Variants in SOX5 observed in about 807,000 individuals in gnomAD.
The protein encoded by SOX5 is SRY-box transcription factor 5, also known as transcription factor SOX-5.
In SOX5, 9 loss-of-function variants were observed where a neutral mutation model predicts 92.0. That is an observed-to-expected ratio of 0.10 (90% CI 0.06 to 0.17). The LOEUF (loss-of-function observed/expected upper bound fraction) is 0.17. SOX5 is among the 10% of genes least tolerant of loss of function. The pLI, the probability that SOX5 is intolerant of heterozygous loss-of-function variation, is 1.00. For missense variants in SOX5, 642 were observed against 944.5 expected, an observed-to-expected ratio of 0.68 and a Z score of 4.20; for synonymous variants, 344 against 336.3, an observed-to-expected ratio of 1.02 and a Z score of -0.25.
At chr12:24,246,064 T>G (rs886677012) in intron 3 of SOX5, among the ~76,000 whole-genome samples, 1 of 152,166 alleles carries the variant, frequency 6.6e-6, no homozygotes, top group African/African-American at 2.4e-5. Context: ...ATGGACAAAG[T>G]TCAGTCTTTG....
At chr12:23,600,616 A>C (rs1239731143) in intron 9 of SOX5, among the ~76,000 whole-genome samples, 1 of 148,472 alleles carries the variant, frequency 6.7e-6, no homozygotes, top group African/African-American at 2.5e-5. Flanking sequence ...AACTCATGAC[A>C]ATATGTCAGG....
intron 7 of SOX5, among the ~76,000 whole-genome samples, chr12:23,662,164 T>A (rs1198877275): frequency 6.6e-6 from 1 of 151,410 alleles, no homozygotes; most frequent in Non-Finnish European, 1.5e-5. Context: ...TATACATATA[T>A]ATATATAGAG....
intron 1 of SOX5, among the ~76,000 whole-genome samples, chr12:24,506,418 A>AAG (rs559214768): frequency 2.7e-4 from 40 of 146,842 alleles, no homozygotes; most frequent in East Asian, 2.2e-3. Context: ...AAAAAAAAAA[A>AAG]AGAGAGAGAG....
At chr12:24,312,799 C>T (rs1261028868) in intron 2 of SOX5, among the ~76,000 whole-genome samples, 2 of 152,144 alleles carry the variant, frequency 1.3e-5, no homozygotes, top group Non-Finnish European at 2.9e-5. Context: ...GAAGCAACTC[C>T]GTGACTTACA....
At chr12:23,671,446 G>A (rs2084764652) in intron 6 of SOX5, among the ~76,000 whole-genome samples, 1 of 152,154 alleles carries the variant, frequency 6.6e-6, no homozygotes, top group South Asian at 2.1e-4. Flanking sequence ...ATACACAGCA[G>A]TTTCTGAGCA....
intron 4 of SOX5, among the ~76,000 whole-genome samples, chr12:24,188,671 A>C (rs150461213): frequency 6.6e-6 from 1 of 152,308 alleles, no homozygotes; most frequent in East Asian, 1.9e-4. Flanking sequence ...GAAAAGGCCA[A>C]AGCACAGAGT....
chr12:24,175,204 T>C (rs1436037200), intron 4 of SOX5, among the ~76,000 whole-genome samples: 1 of 152,260 alleles, frequency 6.6e-6, no homozygotes, highest in African/African-American at 2.4e-5. Flanking sequence ...TGTTATTCAG[T>C]CCTCTAACAT....
intron 1 of SOX5, among the ~76,000 whole-genome samples, chr12:24,482,073 T>C (rs930319796): frequency 6.6e-6 from 1 of 152,186 alleles, no homozygotes; most frequent in African/African-American, 2.4e-5. Flanking sequence ...TTTCAGCCAG[T>C]AGAGGGAAAT....
intron 2 of SOX5, among the ~76,000 whole-genome samples, chr12:24,293,227 T>C (rs1469372301): frequency 1.3e-5 from 2 of 152,218 alleles, no homozygotes; most frequent in Non-Finnish European, 2.9e-5. Context: ...GGAATACAAA[T>C]AGTGATAATA....
At chr12:24,263,128 A>G (rs772819045) in intron 3 of SOX5, among the ~76,000 whole-genome samples, 24 of 152,144 alleles carry the variant, frequency 1.6e-4, no homozygotes, top group Non-Finnish European at 2.4e-4. Context: ...CAAGAGGCTG[A>G]GACAGGAGAA....
intron 6 of SOX5, among the ~76,000 whole-genome samples, chr12:23,690,870 A>G (rs1164189677): frequency 6.6e-6 from 1 of 152,112 alleles, no homozygotes; most frequent in Non-Finnish European, 1.5e-5. Context: ...CACTCCACTT[A>G]TCTTTTAACA....
intron 1 of SOX5, among the ~76,000 whole-genome samples, chr12:24,381,454 T>C (rs903243828): frequency 6.6e-6 from 1 of 152,188 alleles, no homozygotes; most frequent in African/African-American, 2.4e-5. Context: ...CAATAGTTCT[T>C]AATGGGTGGT....
intron 2 of SOX5, among the ~76,000 whole-genome samples, chr12:23,860,235 C>A (rs576112434): frequency 6.6e-6 from 1 of 151,734 alleles, no homozygotes; most frequent in African/African-American, 2.4e-5. Flanking sequence ...ATATGTACAA[C>A]AAACCTCCAT....
intron 3 of SOX5, among the ~76,000 whole-genome samples, chr12:24,232,868 A>C (rs1004655851): frequency 1.3e-5 from 2 of 152,194 alleles, no homozygotes; most frequent in Non-Finnish European, 1.5e-5. Flanking sequence ...TTAAAAAAAA[A>C]CTTGGATGAT....
intron 4 of SOX5, among the ~76,000 whole-genome samples, chr12:24,108,519 T>G (rs1431832085): frequency 6.6e-6 from 1 of 152,160 alleles, no homozygotes; most frequent in African/African-American, 2.4e-5. Flanking sequence ...GTTAACTCTC[T>G]AATTATTTGT....
chr12:24,341,128 T>C (rs1032888444), intron 2 of SOX5, among the ~76,000 whole-genome samples: 7 of 152,210 alleles, frequency 4.6e-5, no homozygotes, highest in African/African-American at 1.7e-4. Context: ...GTTAATCTAC[T>C]CGTGATAGTT....
intron 4 of SOX5, among the ~76,000 whole-genome samples, chr12:24,190,433 CG>C (rs1565621249): frequency 6.6e-6 from 1 of 152,144 alleles, no homozygotes; most frequent in East Asian, 1.9e-4. Context: ...AAAACCTATA[CG>C]GAGGTCTCCT....
chr12:23,723,937 C>T (rs975494972), intron 6 of SOX5, among the ~76,000 whole-genome samples: 4 of 151,944 alleles, frequency 2.6e-5, no homozygotes, highest in Non-Finnish European at 5.9e-5. Context: ...GCATAGCATC[C>T]TATTTTCTTA....
intron 8 of SOX5, among the ~76,000 whole-genome samples, chr12:23,611,335 G>C (rs73275910): frequency 0.037 from 5,626 of 151,008 alleles, 332 homozygotes; most frequent in African/African-American, 0.13. Context: ...TTTTTTTCAA[G>C]GCTGAAAAGT....
Sources: gnomAD v4.1 joint callset for allele counts (sites outside exome capture counted in the v4.1 genomes callset) on GRCh38, gnomAD v4.1.1 for gene constraint, MANE v1.5 for transcripts, NCBI Gene and HGNC (gene_info 2026-07-23, HGNC 2026-07-21) for gene names.